Variants in CERS3 observed in about 807,000 individuals in gnomAD.
CERS3 encodes ceramide synthase 3.
Under a neutral mutation model 50.3 loss-of-function variants are expected in CERS3, and 33 were observed. That is an observed-to-expected ratio of 0.66 (90% CI 0.50 to 0.88). The LOEUF (loss-of-function observed/expected upper bound fraction) is 0.88, where lower values mean the gene tolerates loss of function less well. CERS3 is among the 40% of genes least tolerant of loss of function. The pLI is 0.00. For synonymous variants in CERS3, 176 were observed against 155.2 expected, an observed-to-expected ratio of 1.13 and a Z score of -0.99; for missense variants, 470 against 460.3, an observed-to-expected ratio of 1.02 and a Z score of -0.19.
intron 1 of CERS3, among the ~76,000 whole-genome samples, chr15:100,534,176 G>A (rs2037014748): frequency 1.3e-5 from 2 of 152,164 alleles, no homozygotes; most frequent in Non-Finnish European, 2.9e-5. Flanking sequence ...GTGGCTGTCA[G>A]TGATGGGACA....
At chr15:100,417,216 T>C (rs2031990140) in intron 11 of CERS3, among the ~76,000 whole-genome samples, 2 of 151,628 alleles carry the variant, frequency 1.3e-5, no homozygotes, top group South Asian at 4.2e-4. Context: ...CGCAGGTCAG[T>C]GGGTGCGTGC....
chr15:100,431,167 C>T (rs1267074941), intron 11 of CERS3, among the ~76,000 whole-genome samples: 1 of 152,186 alleles, frequency 6.6e-6, no homozygotes, highest in Non-Finnish European at 1.5e-5. Flanking sequence ...GAAAAAGTTG[C>T]AGCAGAGGGT....
At chr15:100,410,697 C>T (rs1472503191) in intron 11 of CERS3, among the ~76,000 whole-genome samples, 1 of 152,188 alleles carries the variant, frequency 6.6e-6, no homozygotes, top group African/African-American at 2.4e-5. Flanking sequence ...TGGTAATTAA[C>T]TTTGTCTGGT....
intron 11 of CERS3, among the ~76,000 whole-genome samples, chr15:100,440,209 C>T (rs977070090): frequency 1.3e-5 from 2 of 152,228 alleles, no homozygotes; most frequent in African/African-American, 4.8e-5. Flanking sequence ...TCTTATTTAA[C>T]TTGTCTCAGT....
At chr15:100,473,938 ATTAC>A (rs1218216963) in intron 8 of CERS3, among the ~76,000 whole-genome samples, 2 of 152,236 alleles carry the variant, frequency 1.3e-5, no homozygotes, top group Admixed American at 1.3e-4. Context: ...ACAATGGACT[ATTAC>A]TTAGCAATAA....
intron 11 of CERS3, among the ~76,000 whole-genome samples, chr15:100,449,949 C>T (rs1377870955): frequency 6.6e-6 from 1 of 151,814 alleles, no homozygotes; most frequent in Non-Finnish European, 1.5e-5. Context: ...ATTAAAGAAC[C>T]TCAGTGAGAT....
chr15:100,530,756 T>A (rs768671603), upstream of CERS3, among the ~76,000 whole-genome samples: 4 of 152,216 alleles, frequency 2.6e-5, no homozygotes, highest in Admixed American at 6.5e-5. Flanking sequence ...TATTTTGGAC[T>A]CTCTTACTCA....
At chr15:100,524,060 T>C (rs895320848) in intron 1 of CERS3, among the ~76,000 whole-genome samples, 1 of 152,240 alleles carries the variant, frequency 6.6e-6, no homozygotes, top group Non-Finnish European at 1.5e-5. Context: ...GGAGGTTTTT[T>C]TTCTAGCATC....
chr15:100,502,267 A>AAAAAAAAAAAAAAAAAAAAAAG (rs2036033219), intron 2 of CERS3, among the ~76,000 whole-genome samples: 6 of 109,256 alleles, frequency 5.5e-5, no homozygotes, highest in Admixed American at 1.2e-4. Flanking sequence ...AAAAAAAAAA[A>AAAAAAAAAAAAAAAAAAAAAAG]AAAGAAAGAA....
rs181573538 is a variant in CERS3 at position 100,527,960 on chromosome 15, G to A, written c.-92+853C>T. Among the ~76,000 whole-genome samples, 23 of 152,236 alleles carry A rather than the reference G, an allele frequency of 1.5e-4. 1 individual carries two copies. Among genetic ancestry groups the A allele is most frequent in the Admixed American group, 3.9e-4 (6 of 15,300 alleles). On this transcript the variant is annotated intron_variant, in intron 1 of 11. Transcript: ENST00000679737. ...TAAGAAAAACAAAAGGCTTGTAGGG[G>A]GGAAGGCAATGAAAATGTGAAGTTT...
intron 11 of CERS3, among the ~76,000 whole-genome samples, chr15:100,404,236 A>G (rs2030799382): frequency 6.6e-6 from 1 of 152,238 alleles, no homozygotes; most frequent in Admixed American, 6.5e-5. Context: ...TTGAACTGTG[A>G]GAGAATACAT....
chr15:100,528,019 C>T (rs1346300979), intron 1 of CERS3, among the ~76,000 whole-genome samples: 2 of 152,154 alleles, frequency 1.3e-5, no homozygotes, highest in Non-Finnish European at 2.9e-5. Context: ...AGAGAAGGCA[C>T]TTGAACATTG....
chr15:100,420,252 A>G (rs12806474), intron 11 of CERS3, among the ~76,000 whole-genome samples: 64,919 of 142,936 alleles, frequency 0.45, 15,739 homozygotes, highest in Non-Finnish European at 0.55. Flanking sequence ...AGGGGATATC[A>G]CCACCGATCC....
chr15:100,504,716 C>T (rs1393299697), intron 2 of CERS3, among the ~76,000 whole-genome samples: 7 of 152,178 alleles, frequency 4.6e-5, no homozygotes, highest in African/African-American at 1.4e-4. Context: ...GAAGGGGTGA[C>T]CACGGACTGC....
intron 11 of CERS3, among the ~76,000 whole-genome samples, chr15:100,419,951 T>G (rs932653173): frequency 1.5e-5 from 2 of 134,386 alleles, no homozygotes; most frequent in Non-Finnish European, 3.3e-5. Context: ...GGGAAATTTA[T>G]AGCACTAAAT....
At chr15:100,543,822 A>G (rs1411719468) in intron 1 of CERS3, among the ~76,000 whole-genome samples, 2 of 152,166 alleles carry the variant, frequency 1.3e-5, no homozygotes, top group Non-Finnish European at 2.9e-5. Flanking sequence ...GTGCCACCGC[A>G]CGTGGCTGTG....
At chr15:100,497,696 C>T (rs988592624) in intron 3 of CERS3, among the ~76,000 whole-genome samples, 7 of 151,972 alleles carry the variant, frequency 4.6e-5, no homozygotes, top group African/African-American at 1.5e-4. Flanking sequence ...GGTAAGTATA[C>T]ACATAGATAA....
intron 11 of CERS3, among the ~76,000 whole-genome samples, chr15:100,417,161 T>C (rs1012017956): frequency 6.6e-6 from 1 of 151,902 alleles, no homozygotes; most frequent in Non-Finnish European, 1.5e-5. Context: ...TGCATTTCCA[T>C]CTGAGGTACC....
intron 11 of CERS3, among the ~76,000 whole-genome samples, chr15:100,417,915 C>T (rs1317302092): frequency 6.6e-6 from 1 of 152,016 alleles, no homozygotes; most frequent in Non-Finnish European, 1.5e-5. Context: ...GACATCCACA[C>T]CGAAAACCCA....
Sources: gnomAD v4.1 joint callset for allele counts (sites outside exome capture counted in the v4.1 genomes callset) on GRCh38, gnomAD v4.1.1 for gene constraint, MANE v1.5 for transcripts, NCBI Gene and HGNC (gene_info 2026-07-23, HGNC 2026-07-21) for gene names.